LRP1B: variants seen among roughly 807,000 people sequenced by gnomAD.
LRP1B encodes the protein low-density lipoprotein receptor-related protein 1B.
In LRP1B, 217 loss-of-function variants were observed where a neutral mutation model predicts 556.6. The observed-to-expected ratio is 0.39, with a 90% CI of 0.35 to 0.44. LRP1B has a LOEUF of 0.44. Ranked by LOEUF, LRP1B falls within the 20% of genes least tolerant of loss-of-function variation. The probability of loss-of-function intolerance (pLI) is 1.00; values close to 1 mark genes in which losing one functional copy is unlikely to be tolerated. For synonymous variants in LRP1B, 2,047 were observed against 1,865.8 expected (o/e 1.10, Z -2.50); for missense variants, 5,053 against 5,620.8 (o/e 0.90, Z 3.23).
intron 11 of LRP1B, among the ~76,000 whole-genome samples, chr2:141,031,678 C>G (rs916347552): frequency 5.3e-5 from 8 of 152,048 alleles, no homozygotes; most frequent in African/African-American, 1.9e-4. Context: ...TTGTAGCACA[C>G]TAGCCCCAAA....
At chr2:141,884,694 T>A (rs986050693) in intron 1 of LRP1B, among the ~76,000 whole-genome samples, 1 of 152,226 alleles carries the variant, frequency 6.6e-6, no homozygotes, top group African/African-American at 2.4e-5. Flanking sequence ...AACATTTGTC[T>A]GGAATGTCAT....
intron 3 of LRP1B, among the ~76,000 whole-genome samples, chr2:141,392,512 A>G (rs988627832): frequency 1.3e-5 from 2 of 149,196 alleles, no homozygotes; most frequent in African/African-American, 4.9e-5. Context: ...AACAGAATGC[A>G]TGGGGCAGGA....
chr2:141,923,067 C>T lies in LRP1B; in HGVS notation c.83-112666G>A, dbSNP rs1194364663. Among the ~76,000 whole-genome samples, 3 of 151,824 alleles carry T rather than the reference C, an allele frequency of 2.0e-5. No homozygotes were observed. The South Asian group carries it at 6.2e-4, about 32-fold the overall frequency. On this transcript the variant is annotated intron_variant, in intron 1 of 90. Transcript: ENST00000389484. Reference sequence around the variant, plus strand: ...TCAATTGTGATTGTACCACTGCACTCCAGCCTGGGTGACAGAGTGAGACAC... The same window carrying T: ...TCAATTGTGATTGTACCACTGCACTTCAGCCTGGGTGACAGAGTGAGACAC...
intron 7 of LRP1B, among the ~76,000 whole-genome samples, chr2:141,067,936 C>T (rs1699523617): frequency 6.6e-6 from 1 of 151,960 alleles, no homozygotes; most frequent in Admixed American, 6.6e-5. Flanking sequence ...GAAGACATGT[C>T]TCCCTTGAGT....
intron 6 of LRP1B, among the ~76,000 whole-genome samples, chr2:141,226,124 C>CA (rs1553479115): frequency 0.024 from 3,690 of 150,984 alleles, 61 homozygotes; most frequent in Middle Eastern, 0.034. Flanking sequence ...TTTTCCCCCC[C>CA]AAAAAAAACC....
At chr2:141,338,030 C>CT (rs1687910773) in intron 3 of LRP1B, among the ~76,000 whole-genome samples, 1 of 152,124 alleles carries the variant, frequency 6.6e-6, no homozygotes, top group Non-Finnish European at 1.5e-5. Context: ...GGCAATCAAC[C>CT]TGGTTCAGGC....
At chr2:141,095,611 C>A (rs1462620479) in intron 7 of LRP1B, among the ~76,000 whole-genome samples, 2 of 151,598 alleles carry the variant, frequency 1.3e-5, no homozygotes, top group African/African-American at 4.8e-5. Flanking sequence ...AATTTCAATT[C>A]TTAACCTAAA....
intron 7 of LRP1B, among the ~76,000 whole-genome samples, chr2:141,171,699 C>T (rs969074882): frequency 1.5e-4 from 23 of 151,900 alleles, no homozygotes; most frequent in Admixed American, 1.1e-3. Context: ...TGTGGAGTGA[C>T]ATGGCTTGAG....
At chr2:141,215,304 G>C (rs1225944978) in intron 6 of LRP1B, among the ~76,000 whole-genome samples, 4 of 152,190 alleles carry the variant, frequency 2.6e-5, no homozygotes, top group African/African-American at 9.7e-5. Flanking sequence ...ACAGCCTGCA[G>C]AACCATGAGC....
At chr2:140,542,161 T>A (rs72617080) in intron 43 of LRP1B, among the ~76,000 whole-genome samples, 190 bp from the exon 44 acceptor site, 1 of 151,582 alleles carries the variant, frequency 6.6e-6, no homozygotes, top group Admixed American at 6.6e-5. Flanking sequence ...AATGTTGTAG[T>A]CATTGTTAGT....
In LRP1B at chr2:141,714,402, G is replaced by GT. The variant is rs555099155; in HGVS notation, c.205+95876dup. Among the ~76,000 whole-genome samples, 97 of 146,340 alleles carry GT rather than the reference G, an allele frequency of 6.6e-4. No homozygotes were observed. In the South Asian group the frequency reaches 7.1e-3, roughly 11 times the overall value. On this transcript the variant is annotated intron_variant, in intron 2 of 90. Coordinates refer to ENST00000389484, the MANE Select transcript of LRP1B (RefSeq NM_018557.3). ...CTTCAGCTGTGAATGATGTTTTTTG[G>GT]TTTTCTCAAAAAAAGTTAACCTTGA...
chr2:141,682,763 T>A (rs1445192527), intron 2 of LRP1B, among the ~76,000 whole-genome samples: 1 of 152,180 alleles, frequency 6.6e-6, no homozygotes, highest in Non-Finnish European at 1.5e-5. Context: ...GAACTGCTTA[T>A]CTGTGTCTTA....
chr2:140,836,880 G>A (rs920917088), intron 31 of LRP1B, among the ~76,000 whole-genome samples: 1 of 152,198 alleles, frequency 6.6e-6, no homozygotes, highest in African/African-American at 2.4e-5. Context: ...ACTGGAAGGT[G>A]CTTAACCTTA....
chr2:141,553,731 ATATAT>A (rs67755049), intron 2 of LRP1B, among the ~76,000 whole-genome samples: 122,576 of 137,334 alleles, frequency 0.89, 56,519 homozygotes, highest in East Asian at 1. Flanking sequence ...TATCTATATA[ATATAT>A]TATATATAAA....
chr2:141,810,023 G>A (rs1275177133), intron 2 of LRP1B, among the ~76,000 whole-genome samples: 5 of 150,624 alleles, frequency 3.3e-5, no homozygotes, highest in African/African-American at 9.8e-5. Flanking sequence ...TGCATTTTAT[G>A]CTCTCCTTCA....
At chr2:141,975,173 T>G (rs912085258) in intron 1 of LRP1B, among the ~76,000 whole-genome samples, 2 of 152,018 alleles carry the variant, frequency 1.3e-5, no homozygotes, top group African/African-American at 4.8e-5. Flanking sequence ...GACTAATACA[T>G]GAACTGTTGT....
At chr2:141,376,797 A>C (rs1357286903) in intron 3 of LRP1B, among the ~76,000 whole-genome samples, 1 of 152,186 alleles carries the variant, frequency 6.6e-6, no homozygotes, top group South Asian at 2.1e-4. Flanking sequence ...ATTAAATTTT[A>C]TAAAATTATC....
At chr2:141,653,086 T>A (rs1689860845) in intron 2 of LRP1B, among the ~76,000 whole-genome samples, 1 of 152,172 alleles carries the variant, frequency 6.6e-6, no homozygotes, top group Non-Finnish European at 1.5e-5. Flanking sequence ...TCTCTCAACA[T>A]CCGTGCCTCA....
At chr2:140,724,885 C>T (rs1006651625) in intron 35 of LRP1B, among the ~76,000 whole-genome samples, 10 of 152,154 alleles carry the variant, frequency 6.6e-5, no homozygotes, top group Admixed American at 5.2e-4. Flanking sequence ...CTATCACTTC[C>T]TGATGATCTG....
Sources: allele counts gnomAD v4.1 joint callset (sites outside exome capture counted in the v4.1 genomes callset), GRCh38; gene constraint gnomAD v4.1.1; transcripts MANE v1.5; gene names NCBI Gene and HGNC (gene_info 2026-07-23, HGNC 2026-07-21).